Variants in GABPA observed in about 807,000 individuals in gnomAD.
GABPA encodes the protein GA binding protein transcription factor subunit alpha.
In GABPA, 4 loss-of-function variants were observed where a neutral mutation model predicts 59.4. That is an observed-to-expected ratio of 0.07 (90% CI 0.03 to 0.15). The LOEUF (loss-of-function observed/expected upper bound fraction) is 0.15. Among genes scored for constraint, GABPA ranks in the 10% least tolerant of loss-of-function variants. GABPA has a pLI of 1.00. For synonymous variants in GABPA, 164 were observed against 183.1 expected (o/e 0.90, Z 0.84); for missense variants, 251 against 543.8 (o/e 0.46, Z 5.36).
chr21:25,755,432 T>TAAAA (rs968729001), intron 5 of GABPA, among the ~76,000 whole-genome samples: 1 of 85,782 alleles, frequency 1.2e-5, no homozygotes, highest in Non-Finnish European at 2.5e-5. Context: ...CAAGACTGTC[T>TAAAA]AAAAAAAAAA....
intron 9 of GABPA, among the ~76,000 whole-genome samples, chr21:25,766,871 C>T (rs190204618): frequency 2.1e-4 from 32 of 151,934 alleles, no homozygotes; most frequent in African/African-American, 7.2e-4. Flanking sequence ...CAGAAACAAC[C>T]AGATATCTAT....
chr21:25,764,566 C>T, intron 8 of GABPA, 29 bp from the exon 9 acceptor site: 1 of 1,587,264 alleles, frequency 6.3e-7, no homozygotes, highest in Non-Finnish European at 8.6e-7. Context: ...AACACTATAG[C>T]TAATGCTTTG....
chr21:25,754,046 T>C (rs2035576610), intron 5 of GABPA, among the ~76,000 whole-genome samples: 1 of 152,154 alleles, frequency 6.6e-6, no homozygotes, highest in African/African-American at 2.4e-5. Context: ...CGCTGCCCAG[T>C]ACTGTAGCCA....
intron 4 of GABPA, among the ~76,000 whole-genome samples, chr21:25,749,526 A>G (rs1180299687): frequency 6.6e-6 from 1 of 152,136 alleles, no homozygotes; most frequent in East Asian, 1.9e-4. Context: ...ACAGTGATCC[A>G]CACTAGTCAA....
chr21:25,735,159 C>T lies in GABPA; in HGVS notation c.-446C>T, dbSNP rs573839876. ...TCTTTTTCCCCTCCTTGAAACCTTG[C>T]TCTGTACGCATGCGCTCTTTGAGTG... On this transcript the variant is annotated 5_prime_UTR_variant, in exon 1 of 10. Transcript: ENST00000400075. The T allele has an allele frequency of 5.0e-5, 32 of 639,074 alleles. No individual in the cohort carries two copies. Among genetic ancestry groups the T allele is most frequent in the South Asian group, 8.9e-5 (5 of 56,068 alleles). 39.6% of individuals were successfully genotyped at this position (639,074 alleles called of 1,614,324 possible). A position where few individuals can be genotyped will look rare whatever the true frequency, so the allele number is the denominator to read the frequency against.
intron 6 of GABPA, among the ~76,000 whole-genome samples, chr21:25,759,067 T>C (rs949365974): frequency 6.6e-6 from 1 of 151,814 alleles, no homozygotes; most frequent in Middle Eastern, 3.4e-3. Flanking sequence ...AGAGTCTCAA[T>C]TGGAAAAAAA....
At chr21:25,741,715 AAT>A (rs1484099620) in intron 2 of GABPA, 40 bp downstream of exon 2, 1 of 1,271,556 alleles carries the variant, frequency 7.9e-7, no homozygotes, top group African/African-American at 1.5e-5. Context: ...TCAAAATATC[AAT>A]ATACCTAATT....
chr21:25,769,043 C>A lies in GABPA; in HGVS notation c.1176C>A (p.Gly392=), dbSNP rs779853051. 2 of 1,613,144 alleles carry A rather than the reference C, an allele frequency of 1.2e-6. No individual in the cohort carries two copies. The highest frequency in any genetic ancestry group is 3.3e-5 in the Admixed American group (2 of 59,966). ...GGGACATGATTTGTAAAGTTCAAGG[C>A]AAGAGATTTGTGTACAAGTTTGTCT... ...YDGDMICKVQ[G]KRFVYKFVCD... Residue 392 remains glycine (G), a synonymous_variant, in exon 10 of 10, where the codon GGC becomes GGA. Coordinates refer to ENST00000400075, the MANE Select transcript of GABPA (RefSeq NM_002040.4).
intron 4 of GABPA, among the ~76,000 whole-genome samples, chr21:25,750,725 C>T (rs969481679): frequency 6.6e-6 from 1 of 152,148 alleles, no homozygotes; most frequent in Non-Finnish European, 1.5e-5. Context: ...TTAATTCCCT[C>T]AGGACTGATT....
intron 5 of GABPA, among the ~76,000 whole-genome samples, chr21:25,753,642 T>G (rs572087413): frequency 6.6e-6 from 1 of 152,270 alleles, no homozygotes; most frequent in African/African-American, 2.4e-5. Flanking sequence ...ATTCTTAAAT[T>G]TAGACAGAAG....
intron 3 of GABPA, among the ~76,000 whole-genome samples, chr21:25,746,821 A>G (rs1331379688): frequency 6.6e-6 from 1 of 152,214 alleles, no homozygotes; most frequent in Non-Finnish European, 1.5e-5. Context: ...TCCTACAGAA[A>G]TGCTCACTTG....
At chr21:25,736,225 C>A (rs1437366724) in intron 1 of GABPA, among the ~76,000 whole-genome samples, 1 of 151,966 alleles carries the variant, frequency 6.6e-6, no homozygotes, top group Non-Finnish European at 1.5e-5. Flanking sequence ...GTTAGCGGAC[C>A]GAGAGGACAA....
At chr21:25,749,648 A>G (rs2035458027) in intron 4 of GABPA, among the ~76,000 whole-genome samples, 1 of 152,214 alleles carries the variant, frequency 6.6e-6, no homozygotes, top group African/African-American at 2.4e-5. Context: ...CCTGGCCAAC[A>G]TGGTGCAACC....
chr21:25,739,312 C>T (rs181562317), intron 1 of GABPA, among the ~76,000 whole-genome samples: 4 of 152,304 alleles, frequency 2.6e-5, no homozygotes, highest in Admixed American at 2.6e-4. Flanking sequence ...TTTCTTAATG[C>T]TAGTGTAACA....
At position 25,749,815 on chromosome 21, in the gene GABPA, G is replaced by A. The variant is rs567474805; in HGVS notation, c.307+695G>A. On this transcript the variant is annotated intron_variant, in intron 4 of 9. Coordinates refer to ENST00000400075, the MANE Select transcript of GABPA (RefSeq NM_002040.4). ...CACTACACTGCATCTTGGGCAACAA[G>A]AGGAAAACTCTGTCTCAATCAGTCA... is the stretch of plus-strand genomic sequence containing the variant. 2.0e-5 allele frequency among the ~76,000 whole-genome samples: 3 copies of A among 152,292 alleles called. No homozygotes were observed. The East Asian group carries it at 5.8e-4, about 29-fold the overall frequency.
chr21:25,745,193 AC>A lies in GABPA; in HGVS notation c.78-16del. 1 of 1,611,028 alleles carries A rather than the reference AC, an allele frequency of 6.2e-7. No individual in the cohort carries two copies. Among genetic ancestry groups the A allele is most frequent in the South Asian group, 1.1e-5 (1 of 90,586 alleles). On this transcript the variant is annotated splice_polypyrimidine_tract_variant and intron_variant, in intron 2 of 9. Transcript: ENST00000400075. ...GTAAAAAATGTAACTGTTAGCACTT[AC>A]ATCTTTAACATTTAGCATTGTAGAA...
chr21:25,749,153 T>C, intron 4 of GABPA, 33 bp downstream of exon 4: 1 of 1,238,768 alleles, frequency 8.1e-7, no homozygotes, highest in Non-Finnish European at 1.2e-6. Context: ...TATTTAAAAT[T>C]TTAGCTCATG....
intron 1 of GABPA, among the ~76,000 whole-genome samples, chr21:25,739,034 C>T (rs921810420): frequency 2.0e-5 from 3 of 152,180 alleles, no homozygotes; most frequent in Non-Finnish European, 4.4e-5. Context: ...TCTGCGCAGT[C>T]GGCTAGATGT....
chr21:25,738,948 G>A (rs2123485471), intron 1 of GABPA, among the ~76,000 whole-genome samples: 1 of 152,152 alleles, frequency 6.6e-6, no homozygotes, highest in Non-Finnish European at 1.5e-5. Flanking sequence ...AAAAACAGAG[G>A]GTCTTCATTT....
Sources: allele counts gnomAD v4.1 joint callset (sites outside exome capture counted in the v4.1 genomes callset), GRCh38; gene constraint gnomAD v4.1.1; transcripts MANE v1.5; gene names NCBI Gene and HGNC (gene_info 2026-07-23, HGNC 2026-07-21).